CSMD1: variants seen among roughly 807,000 people sequenced by gnomAD.
The protein encoded by CSMD1 is CUB and sushi domain-containing protein 1.
CSMD1 carries 213 observed loss-of-function variants against 417.5 expected under a neutral mutation model. That is an observed-to-expected ratio of 0.51 (90% CI 0.46 to 0.57). The LOEUF (loss-of-function observed/expected upper bound fraction) is 0.57. CSMD1 is among the 20% of genes least tolerant of loss of function. The pLI is 0.00. For missense variants in CSMD1, 6,923 were observed against 4,529.7 expected (o/e 1.53, Z -15.17); for synonymous variants, 2,862 against 1,736.8 (o/e 1.65, Z -16.11).
chr8:3,781,120 C>G (rs1357753317), intron 5 of CSMD1, among the ~76,000 whole-genome samples: 4 of 152,040 alleles, frequency 2.6e-5, no homozygotes, highest in South Asian at 2.1e-4. Flanking sequence ...CCAAAAACAC[C>G]TTCAGCTTTG....
At chr8:3,979,085 G>C (rs574527206) in intron 5 of CSMD1, among the ~76,000 whole-genome samples, 9 of 152,184 alleles carry the variant, frequency 5.9e-5, no homozygotes, top group South Asian at 4.1e-4. Context: ...AGCGACCTTT[G>C]AACAGTAGCC....
intron 35 of CSMD1, among the ~76,000 whole-genome samples, chr8:3,188,615 A>G (rs996458447): frequency 1.2e-4 from 18 of 152,028 alleles, no homozygotes; most frequent in African/African-American, 4.3e-4. Context: ...CTGAAAGAAC[A>G]ATTTCTACAA....
chr8:3,891,649 C>A (rs565054987), intron 5 of CSMD1, among the ~76,000 whole-genome samples: 20 of 151,560 alleles, frequency 1.3e-4, no homozygotes, highest in Admixed American at 7.9e-4. Flanking sequence ...CACCACTGCA[C>A]TAGAGCCTAG....
At chr8:3,617,837 T>G (rs1584968348) in intron 7 of CSMD1, among the ~76,000 whole-genome samples, 1 of 152,340 alleles carries the variant, frequency 6.6e-6, no homozygotes, top group East Asian at 1.9e-4. Context: ...AATGAATAGC[T>G]GATTCTATTA....
chr8:4,150,318 C>T (rs1481990166), intron 3 of CSMD1, among the ~76,000 whole-genome samples: 1 of 152,154 alleles, frequency 6.6e-6, no homozygotes. Context: ...TTAGGAAGGA[C>T]ATCTCTAAAT....
intron 1 of CSMD1, among the ~76,000 whole-genome samples, chr8:4,835,382 G>C (rs1288193269): frequency 6.6e-6 from 1 of 152,124 alleles, no homozygotes; most frequent in Non-Finnish European, 1.5e-5. Flanking sequence ...TAGTAATTTG[G>C]GAAGCTGAGC....
chr8:4,537,921 G>C (rs1007829909), intron 2 of CSMD1, among the ~76,000 whole-genome samples: 1 of 152,200 alleles, frequency 6.6e-6, no homozygotes, highest in African/African-American at 2.4e-5. Flanking sequence ...TGTGAGAAAA[G>C]CATTAACTTC....
chr8:4,128,689 C>T (rs1289839332), intron 3 of CSMD1, among the ~76,000 whole-genome samples: 1 of 152,088 alleles, frequency 6.6e-6, no homozygotes, highest in Non-Finnish European at 1.5e-5. Flanking sequence ...TACCCCACAA[C>T]CTCACGCCCA....
intron 1 of CSMD1, among the ~76,000 whole-genome samples, chr8:4,891,024 T>C (rs868026452): frequency 3.9e-5 from 6 of 152,096 alleles, no homozygotes; most frequent in East Asian, 1.9e-4. Flanking sequence ...TAAATAGATA[T>C]GTGGAAATGG....
chr8:3,406,705 C>T (rs1168549082), intron 14 of CSMD1, among the ~76,000 whole-genome samples: 1 of 152,162 alleles, frequency 6.6e-6, no homozygotes, highest in Non-Finnish European at 1.5e-5. Context: ...CAATTATTGT[C>T]CAATTCTAAG....
intron 3 of CSMD1, among the ~76,000 whole-genome samples, chr8:4,037,818 G>C (rs2688294): frequency 0.79 from 120,676 of 151,940 alleles, 48,252 homozygotes; most frequent in East Asian, 0.98. Flanking sequence ...ATCTTTTTAT[G>C]TTTGTATATA....
intron 2 of CSMD1, among the ~76,000 whole-genome samples, chr8:4,529,873 G>GTTT (rs767812787): frequency 3.2e-4 from 43 of 136,082 alleles, no homozygotes; most frequent in Admixed American, 2.9e-3. Context: ...TGCTGCCATT[G>GTTT]TTTTTTTTTT....
intron 13 of CSMD1, 119 bp from the exon 14 acceptor site, chr8:3,408,344 C>T: frequency 4.4e-6 from 3 of 683,346 alleles, no homozygotes; most frequent in Non-Finnish European, 7.3e-6. Flanking sequence ...TATGATGATC[C>T]AACTATTTTA....
At chr8:3,989,228 A>G (rs935314521) in intron 5 of CSMD1, among the ~76,000 whole-genome samples, 1 of 152,208 alleles carries the variant, frequency 6.6e-6, no homozygotes. Context: ...TTTTACAGAC[A>G]GTGATCTGGG....
chr8:4,360,398 C>A (rs1044145097), intron 3 of CSMD1, among the ~76,000 whole-genome samples: 1 of 152,194 alleles, frequency 6.6e-6, no homozygotes, highest in African/African-American at 2.4e-5. Context: ...CAAACTCCAT[C>A]TATAAAACAG....
chr8:4,292,547 G>A (rs1478042220), intron 3 of CSMD1, among the ~76,000 whole-genome samples: 1 of 152,080 alleles, frequency 6.6e-6, no homozygotes, highest in Non-Finnish European at 1.5e-5. Flanking sequence ...GTGAGCCACC[G>A]TGCCCGCCCG....
chr8:4,663,523 T>G (rs943925527), intron 1 of CSMD1, among the ~76,000 whole-genome samples: 1 of 152,152 alleles, frequency 6.6e-6, no homozygotes, highest in Admixed American at 6.5e-5. Context: ...GTTGTCCTGA[T>G]AGTGCATGCT....
chr8:4,332,213 G>T (rs79699225), intron 3 of CSMD1, among the ~76,000 whole-genome samples: 7,747 of 152,028 alleles, frequency 0.051, 627 homozygotes, highest in African/African-American at 0.17. Flanking sequence ...AAACAGGTGC[G>T]GATCCCTCAC....
chr8:3,765,143 G>C (rs529909278), intron 5 of CSMD1, among the ~76,000 whole-genome samples: 2 of 152,084 alleles, frequency 1.3e-5, no homozygotes, highest in African/African-American at 4.8e-5. Context: ...AATATGAATC[G>C]ATTTGTTTCT....
Sources: gnomAD v4.1 joint callset for allele counts (sites outside exome capture counted in the v4.1 genomes callset) on GRCh38, gnomAD v4.1.1 for gene constraint, MANE v1.5 for transcripts, NCBI Gene and HGNC (gene_info 2026-07-23, HGNC 2026-07-21) for gene names.